Variants in ADGRB3 observed in about 807,000 individuals in gnomAD.
ADGRB3 encodes the protein brain-specific angiogenesis inhibitor 3.
ADGRB3 carries 37 observed loss-of-function variants against 193.4 expected under a neutral mutation model. The ratio of observed to expected loss-of-function variants is 0.19; its 90% CI spans 0.15 to 0.25. The LOEUF is 0.25. Ranked by LOEUF, ADGRB3 falls within the 10% of genes least tolerant of loss-of-function variation. The probability of loss-of-function intolerance (pLI) is 1.00; values close to 1 mark genes in which losing one functional copy is unlikely to be tolerated. For synonymous variants in ADGRB3, 690 were observed against 644.2 expected (o/e 1.07, Z -1.08); for missense variants, 1,637 against 1,852.9 (o/e 0.88, Z 2.14).
intron 3 of ADGRB3, among the ~76,000 whole-genome samples, chr6:68,841,074 C>T (rs1400403286): frequency 2.6e-5 from 4 of 151,904 alleles, no homozygotes; most frequent in East Asian, 3.9e-4. Flanking sequence ...ATATATGTAC[C>T]GAACACTGAA....
chr6:68,811,587 A>C (rs1034751477), intron 3 of ADGRB3, among the ~76,000 whole-genome samples: 1 of 151,722 alleles, frequency 6.6e-6, no homozygotes, highest in Non-Finnish European at 1.5e-5. Flanking sequence ...TTCTACTTCA[A>C]CCTCCCAAGT....
At chr6:68,961,554 A>G (rs968703391) in intron 8 of ADGRB3, among the ~76,000 whole-genome samples, 2 of 152,196 alleles carry the variant, frequency 1.3e-5, no homozygotes, top group African/African-American at 4.8e-5. Flanking sequence ...ATAGTGAACT[A>G]ATCACTACTG....
chr6:69,141,922 T>C (rs1774353841), intron 17 of ADGRB3, among the ~76,000 whole-genome samples: 1 of 152,196 alleles, frequency 6.6e-6, no homozygotes, highest in Admixed American at 6.5e-5. Context: ...AGAAGCTAAA[T>C]CTTAACTGAA....
chr6:68,679,791 T>C (rs1473912425), intron 3 of ADGRB3, among the ~76,000 whole-genome samples: 2 of 152,124 alleles, frequency 1.3e-5, no homozygotes, highest in African/African-American at 4.8e-5. Flanking sequence ...AAAGCATCAT[T>C]TAAAAATTAA....
chr6:68,669,756 T>C (rs1487260277), intron 3 of ADGRB3, among the ~76,000 whole-genome samples: 1 of 151,890 alleles, frequency 6.6e-6, no homozygotes, highest in Non-Finnish European at 1.5e-5. Flanking sequence ...AGTGCTGATA[T>C]CTCTTCGATG....
At chr6:69,229,648 A>G (rs755669383) in intron 17 of ADGRB3, among the ~76,000 whole-genome samples, 2 of 152,196 alleles carry the variant, frequency 1.3e-5, no homozygotes, top group Non-Finnish European at 2.9e-5. Context: ...CAAAAGTATG[A>G]TTTCTTGAAA....
chr6:68,925,492 A>C (rs929495896), intron 3 of ADGRB3, among the ~76,000 whole-genome samples: 1 of 152,004 alleles, frequency 6.6e-6, no homozygotes, highest in Non-Finnish European at 1.5e-5. Flanking sequence ...AGCCAGTCAG[A>C]TGATGGAATC....
chr6:69,017,342 A>C (rs1327426896), intron 12 of ADGRB3, among the ~76,000 whole-genome samples: 1 of 151,896 alleles, frequency 6.6e-6, no homozygotes, highest in Non-Finnish European at 1.5e-5. Context: ...GAACTCTCTA[A>C]TCCACTTAAT....
intron 13 of ADGRB3, among the ~76,000 whole-genome samples, chr6:69,023,326 T>C (rs994919627): frequency 6.6e-6 from 1 of 152,146 alleles, no homozygotes; most frequent in African/African-American, 2.4e-5. Flanking sequence ...ATGTTAGTGC[T>C]TTATTCCAGG....
chr6:69,340,522 G>C (rs532960037), intron 26 of ADGRB3, among the ~76,000 whole-genome samples: 10 of 152,290 alleles, frequency 6.6e-5, no homozygotes, highest in Non-Finnish European at 1.3e-4. Context: ...GTACGTATGA[G>C]TATAAACCCT....
At chr6:68,769,873 C>G (rs1248605279) in intron 3 of ADGRB3, among the ~76,000 whole-genome samples, 3 of 152,186 alleles carry the variant, frequency 2.0e-5, no homozygotes, top group Admixed American at 6.6e-5. Context: ...TCTGTCTCCT[C>G]TTAGTCAAAA....
At chr6:69,320,241 T>C (rs918006426) in intron 20 of ADGRB3, among the ~76,000 whole-genome samples, 1 of 151,554 alleles carries the variant, frequency 6.6e-6, no homozygotes, top group Non-Finnish European at 1.5e-5. Context: ...CCCTTCCTGA[T>C]ATTATTTTCA....
At chr6:68,863,913 G>T (rs1765223286) in intron 3 of ADGRB3, among the ~76,000 whole-genome samples, 1 of 152,126 alleles carries the variant, frequency 6.6e-6, no homozygotes, top group Non-Finnish European at 1.5e-5. Flanking sequence ...AATGGCATAT[G>T]CATTATACTA....
In ADGRB3 at chr6:69,048,262, G is replaced by T. The variant is rs757620134; in HGVS notation, c.2185G>T (p.Val729Phe). Residue 729 changes from valine (V) to phenylalanine (F), a missense_variant, in exon 14 of 32, where the codon GTT (valine) becomes TTT (phenylalanine). Val to Phe is a conservative substitution (Grantham distance 50). Transcript: ENST00000370598. ...TCCAATGAAAGGACGGAAGGGAATG[G>T]TTGACTGGGCAAGAAACTCAGAAGA... ...NFPMKGRKGM[V>F]DWARNSEDRV... 2.5e-6 allele frequency: 4 copies of T among 1,613,696 alleles called. No individual in the cohort carries two copies. In the Admixed American group the frequency reaches 6.7e-5, roughly 27 times the overall value.
chr6:68,994,792 ATTAGGT>A (rs556154327), intron 11 of ADGRB3, among the ~76,000 whole-genome samples: 2 of 152,300 alleles, frequency 1.3e-5, no homozygotes, highest in South Asian at 4.1e-4. Flanking sequence ...AAACTCCCAG[ATTAGGT>A]TTTGTGTTCC....
At chr6:68,899,972 G>T (rs1465758738) in intron 3 of ADGRB3, among the ~76,000 whole-genome samples, 2 of 152,102 alleles carry the variant, frequency 1.3e-5, no homozygotes, top group Non-Finnish European at 2.9e-5. Flanking sequence ...ATATACCTGA[G>T]AGTAAACAAC....
intron 17 of ADGRB3, among the ~76,000 whole-genome samples, chr6:69,226,490 C>T (rs1323057432): frequency 6.6e-6 from 1 of 152,068 alleles, no homozygotes; most frequent in African/African-American, 2.4e-5. Flanking sequence ...TTCTAGTGAG[C>T]AAAGATGGGC....
chr6:69,118,954 A>T (rs1244304033), intron 17 of ADGRB3, among the ~76,000 whole-genome samples: 1 of 152,180 alleles, frequency 6.6e-6, no homozygotes, highest in Non-Finnish European at 1.5e-5. Context: ...GCTGTAAAAG[A>T]ATACAATATG....
intron 3 of ADGRB3, among the ~76,000 whole-genome samples, chr6:68,810,926 A>G (rs1473033696): frequency 1.3e-5 from 2 of 152,182 alleles, no homozygotes; most frequent in Admixed American, 6.6e-5. Context: ...TAATTAGGAA[A>G]TACATTTTTA....
Sources: gnomAD v4.1 joint callset for allele counts (sites outside exome capture counted in the v4.1 genomes callset) on GRCh38, gnomAD v4.1.1 for gene constraint, MANE v1.5 for transcripts, NCBI Gene and HGNC (gene_info 2026-07-23, HGNC 2026-07-21) for gene names.